Variants in CENPP observed in about 807,000 individuals in gnomAD.
The protein encoded by CENPP is centromere protein P.
Under a neutral mutation model 35.6 loss-of-function variants are expected in CENPP, and 24 were observed. That is an observed-to-expected ratio of 0.67 (90% CI 0.49 to 0.95). The LOEUF (loss-of-function observed/expected upper bound fraction) is 0.95. Among genes scored for constraint, CENPP ranks in the 40% least tolerant of loss-of-function variants. The pLI, the probability that CENPP is intolerant of heterozygous loss-of-function variation, is 0.00. For missense variants in CENPP, 332 were observed against 345.3 expected, an observed-to-expected ratio of 0.96 and a Z score of 0.31; for synonymous variants, 120 against 125.5, an observed-to-expected ratio of 0.96 and a Z score of 0.29.
intron 5 of CENPP, among the ~76,000 whole-genome samples, chr9:92,418,307 T>C (rs1023299661): frequency 1.3e-5 from 2 of 149,862 alleles, no homozygotes; most frequent in African/African-American, 4.9e-5. Context: ...GGCTGGTCTC[T>C]AACTCCTGAC....
At chr9:92,422,771 A>G (rs762663149) in intron 5 of CENPP, among the ~76,000 whole-genome samples, 7 of 152,176 alleles carry the variant, frequency 4.6e-5, no homozygotes, top group Non-Finnish European at 5.9e-5. Flanking sequence ...TCCCCAGGAT[A>G]ATTTCCCCTG....
chr9:92,498,496 T>A (rs904864938), intron 5 of CENPP, among the ~76,000 whole-genome samples: 11 of 152,054 alleles, frequency 7.2e-5, no homozygotes, highest in South Asian at 2.1e-4. Context: ...GTAAGACTTC[T>A]CTTAATTCAA....
In CENPP at chr9:92,500,541, A is replaced by G. The variant is rs188738162; in HGVS notation, c.565-110773A>G. ...TGTGCAAAAGTAGGAAAAGCTTATA[A>G]TGAATCCTCACATACCTGTCATCCA... On this transcript the variant is annotated intron_variant, in intron 5 of 7. Transcript: ENST00000375587. 2.0e-3 allele frequency among the ~76,000 whole-genome samples: 301 copies of G among 152,348 alleles called. 2 individuals are homozygous for G. The highest frequency in any genetic ancestry group is 0.017 in the Middle Eastern group (5 of 294).
intron 5 of CENPP, among the ~76,000 whole-genome samples, chr9:92,392,604 G>T (rs1842731510): frequency 1.3e-5 from 2 of 151,152 alleles, no homozygotes; most frequent in Non-Finnish European, 2.9e-5. Flanking sequence ...AACAGAGCAA[G>T]ACTCCATGTC....
chr9:92,551,839 T>C (rs141188087), intron 5 of CENPP, among the ~76,000 whole-genome samples: 1 of 150,394 alleles, frequency 6.6e-6, no homozygotes, highest in Admixed American at 6.7e-5. Context: ...AGGTCATCCA[T>C]GGTGTGTGTA....
intron 1 of CENPP, among the ~76,000 whole-genome samples, chr9:92,331,143 A>G (rs551058354): frequency 2.6e-5 from 4 of 152,240 alleles, no homozygotes; most frequent in South Asian, 4.1e-4. Flanking sequence ...TACTTTTAGA[A>G]ATTAAAGTTA....
intron 5 of CENPP, among the ~76,000 whole-genome samples, chr9:92,454,083 A>G (rs139901936): frequency 5.9e-5 from 9 of 152,364 alleles, no homozygotes; most frequent in Admixed American, 3.3e-4. Context: ...CTTGTTTTCA[A>G]TCTTTAATGG....
At chr9:92,448,054 G>A (rs886831248) in intron 5 of CENPP, among the ~76,000 whole-genome samples, 2 of 152,120 alleles carry the variant, frequency 1.3e-5, no homozygotes, top group Admixed American at 6.5e-5. Flanking sequence ...CCAAATGAAG[G>A]ATATTGGGGA....
chr9:92,356,303 T>C (rs571721206), intron 4 of CENPP, among the ~76,000 whole-genome samples: 1 of 152,298 alleles, frequency 6.6e-6, no homozygotes, highest in Admixed American at 6.5e-5. Context: ...AGAAAAAGAT[T>C]TATTAATGTA....
At chr9:92,354,685 A>C (rs950386340) in intron 4 of CENPP, among the ~76,000 whole-genome samples, 16 of 152,200 alleles carry the variant, frequency 1.1e-4, no homozygotes, top group Non-Finnish European at 4.4e-5. Context: ...ATGCCACTTT[A>C]ACTTAAAAAA....
intron 1 of CENPP, among the ~76,000 whole-genome samples, chr9:92,330,701 T>TTG (rs1554750432): frequency 0.021 from 3,092 of 148,456 alleles, 35 homozygotes; most frequent in South Asian, 0.05. Context: ...TTTTTTTTTT[T>TTG]TTGTTGAGAC....
At chr9:92,401,285 G>T in intron 5 of CENPP, 1 of 600,764 alleles carries the variant, frequency 1.7e-6, no homozygotes. Flanking sequence ...ACAATTAGTG[G>T]CATTTCCTTT....
chr9:92,572,155 G>C (rs1420691402), intron 5 of CENPP, among the ~76,000 whole-genome samples: 1 of 152,050 alleles, frequency 6.6e-6, no homozygotes, highest in Non-Finnish European at 1.5e-5. Context: ...TTATTTTGCT[G>C]GTGAGTTGAT....
At chr9:92,325,921 G>C, upstream of CENPP, 1 of 1,275,352 alleles carries the variant, frequency 7.8e-7, no homozygotes, top group Non-Finnish European at 1.1e-6. Flanking sequence ...GAGCGCGCGC[G>C]AGGCTTGAAG....
chr9:92,409,675 A>G (rs1259815050), intron 5 of CENPP, among the ~76,000 whole-genome samples: 3 of 152,238 alleles, frequency 2.0e-5, no homozygotes, highest in South Asian at 2.1e-4. Flanking sequence ...AAATGGGTTT[A>G]TGGTGCAACT....
upstream of CENPP, chr9:92,325,869 C>G (rs1382741631): frequency 2.9e-6 from 2 of 688,882 alleles, no homozygotes; most frequent in Non-Finnish European, 4.8e-6. Flanking sequence ...GCGGAGCTCT[C>G]CCGCCTCCCC....
Position 92,600,185 on chromosome 9 carries a change from C to A in CENPP, c.565-11129C>A. ...CACATGTCACGAAATCTTTGGAGTT[C>A]TTTTCAACCATGTTTAGCTTGAGGT... On this transcript the variant is annotated intron_variant, in intron 5 of 7. Coordinates refer to ENST00000375587, the MANE Select transcript of CENPP (RefSeq NM_001012267.3). 3.4e-6 allele frequency: 3 copies of A among 887,420 alleles called. No individual in the cohort carries two copies. The African/African-American group carries it at 5.0e-5, about 15-fold the overall frequency. The allele number at this position is 887,420 out of a possible 1,614,324, so 55.0% of individuals were successfully genotyped here.
intron 5 of CENPP, chr9:92,474,768 CATCATCATCATCATCATCTGT>C: frequency 6.2e-7 from 1 of 1,613,316 alleles, no homozygotes; most frequent in South Asian, 1.1e-5. Context: ...TCATCATCAT[CATCATCATCATCATCATCTGT>C]GTCTTCCATA....
intron 5 of CENPP, chr9:92,470,779 A>C (rs1402609693): frequency 6.5e-7 from 1 of 1,537,580 alleles, no homozygotes; most frequent in Admixed American, 1.9e-5. Flanking sequence ...ACTGAGGTCA[A>C]ACCTTAGAAA....
Sources: gnomAD v4.1 joint callset for allele counts (sites outside exome capture counted in the v4.1 genomes callset) on GRCh38, gnomAD v4.1.1 for gene constraint, MANE v1.5 for transcripts, NCBI Gene and HGNC (gene_info 2026-07-23, HGNC 2026-07-21) for gene names.